Variants in PLXDC2 observed in about 807,000 individuals in gnomAD.
PLXDC2 encodes the protein plexin domain-containing protein 2.
In PLXDC2, 40 loss-of-function variants were observed where a neutral mutation model predicts 68.9. The ratio of observed to expected loss-of-function variants is 0.58; its 90% CI spans 0.45 to 0.76. The LOEUF (loss-of-function observed/expected upper bound fraction) is 0.76. PLXDC2 is among the 30% of genes least tolerant of loss of function. PLXDC2 has a pLI of 0.00. For synonymous variants in PLXDC2, 243 were observed against 234.2 expected (o/e 1.04, Z -0.34); for missense variants, 644 against 661.9 (o/e 0.97, Z 0.30).
chr10:19,888,028 G>A (rs1022961207), intron 1 of PLXDC2, among the ~76,000 whole-genome samples: 24 of 152,148 alleles, frequency 1.6e-4, no homozygotes, highest in African/African-American at 5.6e-4. Context: ...GGAGGAACAC[G>A]CCTATCACTC....
chr10:19,985,101 A>G (rs1407641647), intron 1 of PLXDC2, among the ~76,000 whole-genome samples: 1 of 152,214 alleles, frequency 6.6e-6, no homozygotes, highest in Non-Finnish European at 1.5e-5. Flanking sequence ...AACCAATTTC[A>G]TTACTCTTTG....
chr10:20,201,385 G>A (rs943604793), intron 9 of PLXDC2, among the ~76,000 whole-genome samples: 4 of 151,994 alleles, frequency 2.6e-5, no homozygotes, highest in African/African-American at 7.2e-5. Flanking sequence ...GTGGATATTC[G>A]AGGCTGGGAA....
chr10:19,879,242 A>T (rs889933465), intron 1 of PLXDC2, among the ~76,000 whole-genome samples: 1 of 152,222 alleles, frequency 6.6e-6, no homozygotes, highest in Non-Finnish European at 1.5e-5. Flanking sequence ...GTGAAGTGTA[A>T]GCCTGATTAC....
At chr10:19,961,747 A>G (rs1442057842) in intron 1 of PLXDC2, among the ~76,000 whole-genome samples, 3 of 152,192 alleles carry the variant, frequency 2.0e-5, no homozygotes, top group South Asian at 2.1e-4. Flanking sequence ...GCAGTGACCT[A>G]TGAGAGGAGT....
At chr10:19,948,413 A>G (rs1170271790) in intron 1 of PLXDC2, among the ~76,000 whole-genome samples, 2 of 148,756 alleles carry the variant, frequency 1.3e-5, no homozygotes, top group Non-Finnish European at 3.0e-5. Flanking sequence ...TTTTGGTATA[A>G]TGGAAAGAGT....
intron 6 of PLXDC2, among the ~76,000 whole-genome samples, chr10:20,155,020 G>A (rs1022508923): frequency 6.6e-6 from 1 of 152,052 alleles, no homozygotes; most frequent in Non-Finnish European, 1.5e-5. Flanking sequence ...GAACTTTACT[G>A]TTTATTAAGT....
chr10:20,167,486 G>A (rs1164673454), intron 7 of PLXDC2, among the ~76,000 whole-genome samples: 2 of 152,108 alleles, frequency 1.3e-5, no homozygotes, highest in Non-Finnish European at 2.9e-5. Context: ...TCAAAATTCA[G>A]TTCCCTTATT....
At chr10:19,876,624 A>AG (rs869306168) in intron 1 of PLXDC2, among the ~76,000 whole-genome samples, 383 of 138,646 alleles carry the variant, frequency 2.8e-3, no homozygotes, top group Non-Finnish European at 5.0e-3. Context: ...AAAAAAAAAA[A>AG]AGAGAGAGAG....
chr10:20,032,046 T>C (rs1476949017), intron 2 of PLXDC2, among the ~76,000 whole-genome samples: 1 of 152,004 alleles, frequency 6.6e-6, no homozygotes, highest in Non-Finnish European at 1.5e-5. Flanking sequence ...GTCTTGAACT[T>C]CTGACCTCAA....
chr10:19,888,703 C>T (rs138359357), intron 1 of PLXDC2, among the ~76,000 whole-genome samples: 20 of 152,030 alleles, frequency 1.3e-4, no homozygotes, highest in Non-Finnish European at 2.4e-4. Context: ...GACATACATC[C>T]GAGAAGTTTG....
chr10:19,858,082 G>A (rs1461641067), intron 1 of PLXDC2, among the ~76,000 whole-genome samples: 1 of 152,090 alleles, frequency 6.6e-6, no homozygotes, highest in African/African-American at 2.4e-5. Flanking sequence ...TTGGCCAAAC[G>A]CTCATCTGGC....
intron 4 of PLXDC2, among the ~76,000 whole-genome samples, chr10:20,120,595 G>C (rs1289990795): frequency 2.0e-5 from 3 of 152,106 alleles, no homozygotes; most frequent in African/African-American, 7.2e-5. Context: ...CTGTAGGAAA[G>C]GCCTCTACCT....
intron 4 of PLXDC2, among the ~76,000 whole-genome samples, chr10:20,074,292 A>G (rs148207660): frequency 3.2e-4 from 49 of 152,286 alleles, no homozygotes; most frequent in African/African-American, 1.2e-3. Flanking sequence ...TACGTAAAAG[A>G]TTAAAATGTT....
chr10:19,863,699 T>TA, intron 1 of PLXDC2, among the ~76,000 whole-genome samples: 1 of 152,258 alleles, frequency 6.6e-6, no homozygotes, highest in African/African-American at 2.4e-5. Flanking sequence ...GCTTGTTTAT[T>TA]AAAAATTAAC....
rs73601619 is a variant in PLXDC2 at position 19,859,609 on chromosome 10, A to C, written c.112+42418A>C. Among the ~76,000 whole-genome samples the C allele has an allele frequency of 5.2e-3, 787 of 152,336 alleles. 3 individuals carry two copies. Among genetic ancestry groups the C allele is most frequent in the African/African-American group, 0.018 (737 of 41,574 alleles). Reference sequence around the variant, plus strand: ...CCTGGGGACCTATCCCCATTTGTTAAAGCCTTTCCATGTGGAAAATGCACA... The same window carrying C: ...CCTGGGGACCTATCCCCATTTGTTACAGCCTTTCCATGTGGAAAATGCACA... On this transcript the variant is annotated intron_variant, in intron 1 of 13. Transcript: ENST00000377252.
intron 1 of PLXDC2, among the ~76,000 whole-genome samples, chr10:19,884,977 G>A (rs1329286548): frequency 8.5e-5 from 13 of 152,284 alleles, no homozygotes; most frequent in South Asian, 6.2e-4. Flanking sequence ...CAACAGTGTA[G>A]AAGTGTTCCT....
At chr10:20,094,028 C>T (rs769911663) in intron 4 of PLXDC2, among the ~76,000 whole-genome samples, 10 of 152,202 alleles carry the variant, frequency 6.6e-5, no homozygotes, top group Non-Finnish European at 1.3e-4. Flanking sequence ...ACTCTTCTTA[C>T]TTCCCACATT....
chr10:19,997,401 C>T (rs1450761211), intron 1 of PLXDC2, among the ~76,000 whole-genome samples: 1 of 152,148 alleles, frequency 6.6e-6, no homozygotes, highest in Non-Finnish European at 1.5e-5. Context: ...AGAGGATTTA[C>T]AATAGTGATT....
intron 1 of PLXDC2, among the ~76,000 whole-genome samples, chr10:19,835,687 G>GAA (rs1836776363): frequency 6.6e-6 from 1 of 152,194 alleles, no homozygotes; most frequent in Non-Finnish European, 1.5e-5. Flanking sequence ...GGGCCCCCAG[G>GAA]CGGGAGATAT....
Sources: gnomAD v4.1 joint callset for allele counts (sites outside exome capture counted in the v4.1 genomes callset) on GRCh38, gnomAD v4.1.1 for gene constraint, MANE v1.5 for transcripts, NCBI Gene and HGNC (gene_info 2026-07-23, HGNC 2026-07-21) for gene names.